PPIP5K2: variants seen among roughly 807,000 people sequenced by gnomAD.
PPIP5K2 encodes diphosphoinositol pentakisphosphate kinase 2, also known as inositol hexakisphosphate and diphosphoinositol-pentakisphosphate kinase 2.
PPIP5K2 carries 105 observed loss-of-function variants against 154.6 expected under a neutral mutation model. The ratio of observed to expected loss-of-function variants is 0.68; its 90% CI spans 0.58 to 0.80. The LOEUF (loss-of-function observed/expected upper bound fraction) is 0.80, where lower values mean the gene tolerates loss of function less well. Among genes scored for constraint, PPIP5K2 ranks in the 30% least tolerant of loss-of-function variants. PPIP5K2 has a pLI of 0.00. For missense variants in PPIP5K2, 992 were observed against 1,504.6 expected, an observed-to-expected ratio of 0.66 and a Z score of 5.64; for synonymous variants, 480 against 490.3, an observed-to-expected ratio of 0.98 and a Z score of 0.28.
intron 30 of PPIP5K2, among the ~76,000 whole-genome samples, chr5:103,197,855 G>A (rs1307619622): frequency 6.6e-6 from 1 of 151,316 alleles, no homozygotes; most frequent in Non-Finnish European, 1.5e-5. Flanking sequence ...TGGGATTACA[G>A]GTGTGAGCCA....
At chr5:103,174,590 A>G (rs782025550) in intron 21 of PPIP5K2, among the ~76,000 whole-genome samples, 5 of 152,048 alleles carry the variant, frequency 3.3e-5, no homozygotes, top group Non-Finnish European at 7.4e-5. Flanking sequence ...TGGCCTCTTC[A>G]TGTGGCCTGC....
At chr5:103,151,453 CA>C in intron 9 of PPIP5K2, 79 bp downstream of exon 9, 1 of 1,223,430 alleles carries the variant, frequency 8.2e-7, no homozygotes, top group African/African-American at 1.5e-5. Context: ...ATTAAATGAT[CA>C]GGGTTTTTAA....
In PPIP5K2 at chr5:103,173,935, C is replaced by A. The variant is rs1798339489; in HGVS notation, c.2492C>A (p.Ser831Tyr). 1.2e-6 allele frequency: 2 copies of A among 1,607,394 alleles called. No homozygotes were observed. The highest frequency in any genetic ancestry group is 1.7e-6 in the Non-Finnish European group (2 of 1,175,048). Reference sequence around the variant, plus strand: ...TTTACCAGTGAAAGTCATGTACATTCTTTGCTGTCTATTCTTCGCTATGGT... The same window carrying A: ...TTTACCAGTGAAAGTCATGTACATTATTTGCTGTCTATTCTTCGCTATGGT... The part of the protein sequence containing the change: ...LYFTSESHVH[S>Y]LLSILRYGAL... Residue 831 changes from serine to tyrosine, a missense_variant, in exon 21 of 31, where the codon TCT (serine) becomes TAT (tyrosine). Coordinates refer to ENST00000358359, the MANE Select transcript of PPIP5K2 (RefSeq NM_001276277.3).
rs1554218565 is a variant in PPIP5K2, at chr5:103,168,240, A to G, written c.2231A>G (p.Asn744Ser). 6 of 1,610,130 alleles carry G rather than the reference A, an allele frequency of 3.7e-6. No individual in the cohort carries two copies. The Admixed American group carries it at 5.0e-5, about 13-fold the overall frequency. Residue 744 changes from asparagine (N) to serine (S), a missense_variant, in exon 19 of 31, where the codon AAC becomes AGC. By Grantham distance (46) the Asn-to-Ser change is conservative. This residue lies in a region of PPIP5K2 where 157 missense variants were observed against 281.2 expected (regional missense o/e 0.56). Coordinates refer to ENST00000358359, the MANE Select transcript of PPIP5K2 (RefSeq NM_001276277.3). ...VQHNGSLKLE[N>S]TMELYRLSKA... ...CATAATGGTTCCTTGAAATTAGAAA[A>G]CACAATGGAATTATATAGGCTTTCG...
intron 27 of PPIP5K2, 97 bp from the exon 28 acceptor site, chr5:103,187,217 T>G: frequency 3.3e-6 from 3 of 909,894 alleles, no homozygotes; most frequent in Non-Finnish European, 5.1e-6. Context: ...CATGTCACCT[T>G]TCTAACCTCC....
intron 17 of PPIP5K2, among the ~76,000 whole-genome samples, chr5:103,162,337 C>A (rs1270585600): frequency 6.7e-6 from 1 of 149,536 alleles, no homozygotes; most frequent in African/African-American, 2.4e-5. Context: ...TTAATGATGT[C>A]ATGATGTGTT....
At chr5:103,126,096 T>TC (rs1789626554) in intron 1 of PPIP5K2, among the ~76,000 whole-genome samples, 1 of 152,226 alleles carries the variant, frequency 6.6e-6, no homozygotes, top group African/African-American at 2.4e-5. Flanking sequence ...TGATGTTTCT[T>TC]ACCTGGAATG....
chr5:103,137,958 A>T (rs1562382799), intron 4 of PPIP5K2, among the ~76,000 whole-genome samples: 1 of 152,184 alleles, frequency 6.6e-6, no homozygotes, highest in Non-Finnish European at 1.5e-5. Flanking sequence ...CAATACATAC[A>T]TAACAATCAC....
intron 5 of PPIP5K2, among the ~76,000 whole-genome samples, chr5:103,143,827 T>G (rs1331834040): frequency 1.3e-5 from 2 of 152,112 alleles, no homozygotes; most frequent in Admixed American, 6.5e-5. Flanking sequence ...ACAGCTAACA[T>G]TATACTGAAC....
At position 103,183,311 on chromosome 5, in the gene PPIP5K2, G is replaced by C. The variant is rs376791371; in HGVS notation, c.3000G>C (p.Gly1000=). The C allele has an allele frequency of 1.3e-5, 21 of 1,604,108 alleles. No homozygotes were observed. The highest frequency in any genetic ancestry group is 1.6e-5 in the Non-Finnish European group (19 of 1,176,810). Residue 1000 remains glycine (G), a synonymous_variant, in exon 25 of 31, where the codon GGG becomes GGC. Coordinates refer to ENST00000358359, the MANE Select transcript of PPIP5K2 (RefSeq NM_001276277.3). ...ATTATACCAGTGGTGTGGGTACTGG[G>C]CGTCGAAGACGCAGATCAGGGGAAC... ...WLHYTSGVGT[G]RRRRRSGEQI...
chr5:103,159,887 C>G (rs1310354456), intron 17 of PPIP5K2, among the ~76,000 whole-genome samples: 1 of 152,040 alleles, frequency 6.6e-6, no homozygotes, highest in African/African-American at 2.4e-5. Context: ...TCCTTCTGTC[C>G]AACTGAAATT....
rs1554228100 is a variant in PPIP5K2 at position 103,195,033 on chromosome 5, G to A, written c.3619+8G>A. ...AAGCAAGCAGCAAACCAGGTAAGGG[G>A]TGTGTGTGTTGAGTTTGTGGATTTG... On this transcript the variant is annotated splice_region_variant and intron_variant, in intron 30 of 30. Transcript: ENST00000358359. 2.5e-6 allele frequency: 4 copies of A among 1,605,596 alleles called. No homozygotes were observed. Among genetic ancestry groups the A allele is most frequent in the Middle Eastern group, 1.7e-4 (1 of 6,030 alleles).
chr5:103,176,922 A>G lies in PPIP5K2; in HGVS notation c.2530-745A>G, dbSNP rs782487675. 4.8e-6 allele frequency: 7 copies of G among 1,447,128 alleles called. No individual in the cohort carries two copies. The Admixed American group carries it at 1.2e-4, about 25-fold the overall frequency. The allele number at this position is 1,447,128 out of a possible 1,614,324, so 89.6% of individuals were successfully genotyped here. A position where few individuals can be genotyped will look rare whatever the true frequency, so the allele number is the denominator to read the frequency against. Reference sequence around the variant, plus strand: ...TGGTGAAGGAGATGGTAAGATCAATAGAATTTACATATGCCTCCTTCTTCT... The same window carrying G: ...TGGTGAAGGAGATGGTAAGATCAATGGAATTTACATATGCCTCCTTCTTCT... On this transcript the variant is annotated intron_variant, in intron 21 of 30. Coordinates refer to ENST00000358359, the MANE Select transcript of PPIP5K2 (RefSeq NM_001276277.3).
intron 1 of PPIP5K2, among the ~76,000 whole-genome samples, chr5:103,125,619 G>A (rs1789536007): frequency 6.6e-6 from 1 of 151,904 alleles, no homozygotes; most frequent in Non-Finnish European, 1.5e-5. Flanking sequence ...TAACTTGTCT[G>A]TATTTCATCT....
At chr5:103,138,197 A>G (rs2149491218) in intron 4 of PPIP5K2, among the ~76,000 whole-genome samples, 187 bp from the exon 5 acceptor site, 1 of 152,316 alleles carries the variant, frequency 6.6e-6, no homozygotes, top group African/African-American at 2.4e-5. Context: ...TTATTGCTGA[A>G]TATTTCCTCA....
At chr5:103,189,146 A>G in intron 28 of PPIP5K2, 2 of 1,509,208 alleles carry the variant, frequency 1.3e-6, no homozygotes, top group Non-Finnish European at 1.8e-6. Flanking sequence ...GCTTTACCTT[A>G]TTTTCTGGGC....
In PPIP5K2 at chr5:103,149,325, T is replaced by C; in HGVS notation, c.906+12T>C. 1 of 1,609,890 alleles carries C rather than the reference T, an allele frequency of 6.2e-7. No homozygotes were observed. The highest frequency in any genetic ancestry group is 8.5e-7 in the Non-Finnish European group (1 of 1,177,594). On this transcript the variant is annotated intron_variant, in intron 8 of 30. Transcript: ENST00000358359. ...GCCTTGCTTTTAAGGTAAGATGTTA[T>C]ACAGGCCTATAGATCCTTATAAAGG...
chr5:103,120,527 A>G (rs1453928379), intron 1 of PPIP5K2, 39 bp downstream of exon 1: 2 of 456,380 alleles, frequency 4.4e-6, no homozygotes, highest in African/African-American at 4.0e-5. Context: ...GAGATGCGGA[A>G]CCTGATCATG....
chr5:103,203,283 A>AT lies in PPIP5K2; in HGVS notation c.*1656dup, dbSNP rs1226996861. 1.3e-5 allele frequency: 2 copies of AT among 152,188 alleles called. No homozygotes were observed. Among genetic ancestry groups the AT allele is most frequent in the Non-Finnish European group, 2.9e-5 (2 of 67,984 alleles). The allele number at this position is 152,188 out of a possible 1,614,324, so 9.4% of individuals were successfully genotyped here. A position where few individuals can be genotyped will look rare whatever the true frequency, so the allele number is the denominator to read the frequency against. On this transcript the variant is annotated 3_prime_UTR_variant, in exon 31 of 31. Coordinates refer to ENST00000358359, the MANE Select transcript of PPIP5K2 (RefSeq NM_001276277.3). ...GTTTTCAAAGTAGAAAAAATCAGGAATTTTTTTATTAACTAGTACTTACAT... is the reference window on the plus strand; with the variant it reads ...GTTTTCAAAGTAGAAAAAATCAGGAATTTTTTTTATTAACTAGTACTTACAT...
Sources: gnomAD v4.1 joint callset for allele counts (sites outside exome capture counted in the v4.1 genomes callset) on GRCh38, gnomAD v4.1.1 for gene constraint, gnomAD v4.1.1 regional missense constraint, MANE v1.5 for transcripts, NCBI Gene and HGNC (gene_info 2026-07-23, HGNC 2026-07-21) for gene names.